Variants in SLC51A observed in about 807,000 individuals in gnomAD.
SLC51A encodes the protein solute carrier family 51 member A.
A neutral mutation model predicts 34.8 loss-of-function variants in SLC51A; 22 were observed. The observed-to-expected ratio is 0.63, with a 90% CI of 0.45 to 0.90. SLC51A has a LOEUF of 0.90. SLC51A is among the 40% of genes least tolerant of loss of function. The pLI, the probability that SLC51A is intolerant of heterozygous loss-of-function variation, is 0.00. For synonymous variants in SLC51A, 181 were observed against 176.3 expected (o/e 1.03, Z -0.21); for missense variants, 371 against 414.8 (o/e 0.89, Z 0.92).
At chr3:196,220,132 C>T (rs952151509) in intron 2 of SLC51A, among the ~76,000 whole-genome samples, 1 of 152,190 alleles carries the variant, frequency 6.6e-6, no homozygotes, top group Non-Finnish European at 1.5e-5. Flanking sequence ...TTGAGAGGGC[C>T]GGGCAGGAGA....
intron 2 of SLC51A, among the ~76,000 whole-genome samples, chr3:196,223,424 G>T (rs1053530526): frequency 2.6e-5 from 4 of 151,840 alleles, no homozygotes; most frequent in African/African-American, 9.7e-5. Context: ...TAGCCCTGAT[G>T]TGGGCGGAAG....
In SLC51A at chr3:196,233,170, C is replaced by T. The variant is rs745311146; in HGVS notation, c.994C>T (p.Pro332Ser). 2 of 1,614,220 alleles carry T rather than the reference C, an allele frequency of 1.2e-6. No homozygotes were observed. Among genetic ancestry groups the T allele is most frequent in the Admixed American group, 3.3e-5 (2 of 60,024 alleles). Residue 332 changes from proline (P) to serine (S), a missense_variant, in exon 9 of 9, where the codon CCA (proline) becomes TCA (serine). Physicochemically the swap from Pro to Ser is moderately conservative, Grantham distance 74. Coordinates refer to ENST00000296327, the MANE Select transcript of SLC51A (RefSeq NM_152672.6). ...GGTTGGGTATGAAACTTTCTCTTCT[C>T]CAGACCTGGACTTGAACCTCAAAGC... ...HKVGYETFSSPDLDLNLKA is the reference protein window; with the variant it reads ...HKVGYETFSSSDLDLNLKA
In SLC51A at chr3:196,228,886, T is replaced by C; in HGVS notation, c.599T>C (p.Phe200Ser). Residue 200 changes from phenylalanine to serine, a missense_variant, in exon 6 of 9, where the codon TTT (phenylalanine) becomes TCT (serine). Phe to Ser is a radical substitution (Grantham distance 155). Transcript: ENST00000296327. The surrounding 1 kb of genome is among the most constrained non-coding windows in gnomAD (Gnocchi z 4.9). ...ATAACGCTGACCCTGGTGGGCCTGT[T>C]TCTCGTCCCCGACGGCATCTATGAC... is the stretch of plus-strand genomic sequence containing the variant. The part of the protein sequence containing the change: ...LKITLTLVGL[F>S]LVPDGIYDPA... 1 of 1,614,146 alleles carries C rather than the reference T, an allele frequency of 6.2e-7. No homozygotes were observed. The highest frequency in any genetic ancestry group is 8.5e-7 in the Non-Finnish European group (1 of 1,180,008).
At chr3:196,233,042 G>C in intron 8 of SLC51A, 21 bp from the exon 9 acceptor site, 1 of 1,613,174 alleles carries the variant, frequency 6.2e-7, no homozygotes, top group South Asian at 1.1e-5. Flanking sequence ...AACCTACGCT[G>C]TATTTCACCC....
chr3:196,222,498 G>T (rs1446836040), intron 2 of SLC51A, among the ~76,000 whole-genome samples: 2 of 151,670 alleles, frequency 1.3e-5, no homozygotes, highest in African/African-American at 4.8e-5. Flanking sequence ...AGCTGGGCAT[G>T]GTGGTGGGTA....
At chr3:196,224,199 T>C (rs914879508) in intron 2 of SLC51A, among the ~76,000 whole-genome samples, 1 of 151,786 alleles carries the variant, frequency 6.6e-6, no homozygotes, top group African/African-American at 2.4e-5. Context: ...GAAATCATAC[T>C]ATTCCTAAAA....
chr3:196,227,790 A>G (rs1723934565), intron 4 of SLC51A, 53 bp downstream of exon 4: 1 of 1,516,276 alleles, frequency 6.6e-7, no homozygotes, highest in Non-Finnish European at 9.0e-7. Context: ...CCCGCTCACC[A>G]GGACTCGAGT....
chr3:196,222,633 CA>C (rs11328698), intron 2 of SLC51A, among the ~76,000 whole-genome samples: 35,868 of 133,562 alleles, frequency 0.27, 4,698 homozygotes, highest in Middle Eastern at 0.43. Flanking sequence ...GGCTCCATCT[CA>C]AAAAAAAAAA....
Position 196,229,948 on chromosome 3 carries a change from A to G in SLC51A, c.667A>G (p.Thr223Ala), listed in dbSNP as rs751853697. The G allele has an allele frequency of 9.3e-6, 15 of 1,612,968 alleles. No homozygotes were observed. Among genetic ancestry groups the G allele is most frequent in the Non-Finnish European group, 1.0e-5 (12 of 1,179,548 alleles). Reference protein sequence around the residue: ...SEGSTALWINTFLGVSTLLAL... With the variant: ...SEGSTALWINAFLGVSTLLAL... Reference sequence around the variant, plus strand: ...GGGGAGCACAGCTCTATGGATCAACACTTTCCTTGGCGTGTCCACACTGCT... The same window carrying G: ...GGGGAGCACAGCTCTATGGATCAACGCTTTCCTTGGCGTGTCCACACTGCT... Residue 223 changes from threonine to alanine, a missense_variant, in exon 7 of 9, where the codon ACT becomes GCT. Thr to Ala is a moderately conservative substitution (Grantham distance 58). Coordinates refer to ENST00000296327, the MANE Select transcript of SLC51A (RefSeq NM_152672.6).
chr3:196,225,386 C>T (rs1723871259), intron 2 of SLC51A, among the ~76,000 whole-genome samples: 1 of 152,118 alleles, frequency 6.6e-6, no homozygotes, highest in Admixed American at 6.6e-5. Flanking sequence ...ACCGTGGCCA[C>T]CTTTCTCCCT....
At chr3:196,220,512 G>A (rs550162167) in intron 2 of SLC51A, among the ~76,000 whole-genome samples, 132 of 152,220 alleles carry the variant, frequency 8.7e-4, no homozygotes, top group Middle Eastern at 3.4e-3. Flanking sequence ...CAGGAGAATC[G>A]CTTGAACCCG....
At chr3:196,223,449 AC>A (rs1723815354) in intron 2 of SLC51A, among the ~76,000 whole-genome samples, 1 of 151,750 alleles carries the variant, frequency 6.6e-6, no homozygotes, top group Non-Finnish European at 1.5e-5. Context: ...ACATAACGTT[AC>A]CCGGAATGGA....
At position 196,228,686 on chromosome 3, in the gene SLC51A, T is replaced by G. The variant is rs1723955824; in HGVS notation, c.522-123T>G. 1.3e-6 allele frequency: 1 copy of G among 796,622 alleles called. No homozygotes were observed. The highest frequency in any genetic ancestry group is 2.2e-6 in the Non-Finnish European group (1 of 459,328). 49.3% of individuals were successfully genotyped at this position (796,622 alleles called of 1,614,324 possible). A position where few individuals can be genotyped will look rare whatever the true frequency, so the allele number is the denominator to read the frequency against. On this transcript the variant is annotated intron_variant, in intron 5 of 8. Transcript: ENST00000296327. This position sits in a 1 kb window ranked among gnomAD's most constrained non-coding sequence, Gnocchi z 4.9. Reference sequence around the variant, plus strand: ...GCTTTTTTCCTCTGTCCCCATCCACTTAACCTGGTTGGTGTTTATGACAGC... The same window carrying G: ...GCTTTTTTCCTCTGTCCCCATCCACGTAACCTGGTTGGTGTTTATGACAGC...
chr3:196,232,583 A>G (rs1416346767), intron 8 of SLC51A, 59 bp downstream of exon 8: 1 of 1,410,998 alleles, frequency 7.1e-7, no homozygotes, highest in Non-Finnish European at 1.0e-6. Context: ...AGAGTCAGGA[A>G]AGAAGGGGCC....
rs560974975 is a variant in SLC51A at position 196,228,369 on chromosome 3, C to G, written c.521+96C>G. 2 of 1,439,920 alleles carry G rather than the reference C, an allele frequency of 1.4e-6. No individual in the cohort carries two copies. The highest frequency in any genetic ancestry group is 2.6e-5 in the Admixed American group (1 of 38,654). The allele number at this position is 1,439,920 out of a possible 1,614,324, so 89.2% of individuals were successfully genotyped here. A position where few individuals can be genotyped will look rare whatever the true frequency, so the allele number is the denominator to read the frequency against. ...CTCTGGGAATTAGGCGTGAATAGGCCAAAGCCAGTGACGGAAGGGTGGGCA... is the reference window on the plus strand; with the variant it reads ...CTCTGGGAATTAGGCGTGAATAGGCGAAAGCCAGTGACGGAAGGGTGGGCA... On this transcript the variant is annotated intron_variant, in intron 5 of 8. Coordinates refer to ENST00000296327, the MANE Select transcript of SLC51A (RefSeq NM_152672.6). The surrounding 1 kb of genome is among the most constrained non-coding windows in gnomAD (Gnocchi z 4.9).
chr3:196,224,424 G>A (rs1295264360), intron 2 of SLC51A, among the ~76,000 whole-genome samples: 2 of 150,690 alleles, frequency 1.3e-5, no homozygotes, highest in East Asian at 2.0e-4. Flanking sequence ...GCTGGACCCG[G>A]TGGCTCACGC....
chr3:196,221,901 G>T (rs1386766920), intron 2 of SLC51A, among the ~76,000 whole-genome samples: 1 of 151,462 alleles, frequency 6.6e-6, no homozygotes, highest in Admixed American at 6.6e-5. Context: ...ATATTTTTTA[G>T]TAGAGACGGG....
chr3:196,225,681 G>A (rs1723875626), intron 2 of SLC51A: 1 of 152,192 alleles, frequency 6.6e-6, no homozygotes, highest in Non-Finnish European at 1.5e-5. Flanking sequence ...AATGAATCAC[G>A]TTTGTTCGGA....
In SLC51A at chr3:196,227,198, A is replaced by ACATCACTTC. The variant is rs1553826408; in HGVS notation, c.288+80_288+81insATCACTTCC. 1.0e-5 allele frequency: 14 copies of ACATCACTTC among 1,347,778 alleles called. No individual in the cohort carries two copies. In the East Asian group the frequency reaches 2.8e-4, roughly 27 times the overall value. 83.5% of individuals were successfully genotyped at this position (1,347,778 alleles called of 1,614,324 possible). On this transcript the variant is annotated intron_variant, in intron 3 of 8. Coordinates refer to ENST00000296327, the MANE Select transcript of SLC51A (RefSeq NM_152672.6). ...AGGTGAGAATTCCTCTAAACTCAGC[A>ACATCACTTC]CGTCACTTCGGCAAAGAGTGTCCTG...
Sources: gnomAD v4.1 joint callset for allele counts (sites outside exome capture counted in the v4.1 genomes callset) on GRCh38, gnomAD v4.1.1 for gene constraint, Gnocchi (gnomAD v3.1) non-coding constraint, MANE v1.5 for transcripts, NCBI Gene and HGNC (gene_info 2026-07-23, HGNC 2026-07-21) for gene names.